TENM2: variants seen among roughly 807,000 people sequenced by gnomAD.
The protein encoded by TENM2 is teneurin-2.
TENM2 carries 52 observed loss-of-function variants against 245.2 expected under a neutral mutation model. That is an observed-to-expected ratio of 0.21 (90% CI 0.17 to 0.27). TENM2 has a LOEUF of 0.27. Ranked by LOEUF, TENM2 falls within the 10% of genes least tolerant of loss-of-function variation. The probability of loss-of-function intolerance (pLI) is 1.00; values close to 1 mark genes in which losing one functional copy is unlikely to be tolerated. For missense variants in TENM2, 3,046 were observed against 3,666.8 expected, an observed-to-expected ratio of 0.83 and a Z score of 4.37; for synonymous variants, 1,363 against 1,438.9, an observed-to-expected ratio of 0.95 and a Z score of 1.19.
At chr5:167,548,550 G>GAC (rs10626330) in intron 2 of TENM2, among the ~76,000 whole-genome samples, 109,251 of 150,954 alleles carry the variant, frequency 0.72, 39,550 homozygotes, top group East Asian at 0.76. Flanking sequence ...ACAGGTCACA[G>GAC]ACACACACAC....
the TENM2 span, among the ~76,000 whole-genome samples, chr5:167,101,641 G>A: frequency 6.6e-6 from 1 of 151,288 alleles, no homozygotes; most frequent in African/African-American, 2.4e-5. Flanking sequence ...AACAAGTCCA[G>A]CAGCTTCCAC....
chr5:168,175,928 T>C (rs1759317434), intron 13 of TENM2, among the ~76,000 whole-genome samples: 1 of 152,176 alleles, frequency 6.6e-6, no homozygotes, highest in Admixed American at 6.5e-5. Context: ...CGAGCAACAC[T>C]AATATCATCA....
chr5:167,207,807 G>A, the TENM2 span, among the ~76,000 whole-genome samples: 35 of 152,274 alleles, frequency 2.3e-4, no homozygotes, highest in Non-Finnish European at 4.9e-4. Flanking sequence ...AGGCTGGAGT[G>A]CACTGGTACG....
intron 27 of TENM2, among the ~76,000 whole-genome samples, chr5:168,253,349 G>A (rs1767307813): frequency 6.6e-6 from 1 of 151,876 alleles, no homozygotes; most frequent in Admixed American, 6.6e-5. Context: ...AATGCATCAT[G>A]ACATGTAAAG....
At chr5:167,491,791 C>T (rs1768441741) in intron 2 of TENM2, among the ~76,000 whole-genome samples, 1 of 152,128 alleles carries the variant, frequency 6.6e-6, no homozygotes. Flanking sequence ...TCCCTTTACT[C>T]CCTTGCCCAC....
chr5:167,487,604 G>A (rs964885529), intron 2 of TENM2, among the ~76,000 whole-genome samples: 31 of 152,202 alleles, frequency 2.0e-4, no homozygotes, highest in African/African-American at 7.2e-4. Flanking sequence ...AAAGGTTTCT[G>A]GGTTTGGGTT....
chr5:167,569,020 A>C (rs972806822), intron 2 of TENM2, among the ~76,000 whole-genome samples: 8 of 149,304 alleles, frequency 5.4e-5, no homozygotes, highest in Admixed American at 4.7e-4. Flanking sequence ...CCCATCTTCA[A>C]GCAGAATGTA....
chr5:167,727,465 G>C (rs1760106639), intron 2 of TENM2, among the ~76,000 whole-genome samples: 1 of 152,218 alleles, frequency 6.6e-6, no homozygotes, highest in Admixed American at 6.5e-5. Flanking sequence ...GCTCCCCTAG[G>C]CATCTACTGA....
At chr5:167,182,272 A>G in the TENM2 span, among the ~76,000 whole-genome samples, 1 of 152,094 alleles carries the variant, frequency 6.6e-6, no homozygotes, top group East Asian at 1.9e-4. Context: ...TTCTAAATCC[A>G]ATTGAGTAAA....
intron 19 of TENM2, among the ~76,000 whole-genome samples, chr5:168,211,408 G>A (rs1049199675): frequency 6.6e-6 from 1 of 152,158 alleles, no homozygotes; most frequent in African/African-American, 2.4e-5. Context: ...AACACATGTT[G>A]GCACCCAAGA....
the TENM2 span, among the ~76,000 whole-genome samples, chr5:167,044,422 C>T: frequency 6.6e-6 from 1 of 152,168 alleles, no homozygotes; most frequent in East Asian, 1.9e-4. Flanking sequence ...TAGGTTACAG[C>T]ATGCATCTAT....
At chr5:167,931,703 G>A (rs761149673) in intron 3 of TENM2, among the ~76,000 whole-genome samples, 19 of 152,104 alleles carry the variant, frequency 1.2e-4, no homozygotes, top group Admixed American at 7.9e-4. Flanking sequence ...AAATGATTTC[G>A]TTCATGTGTG....
intron 9 of TENM2, among the ~76,000 whole-genome samples, chr5:168,099,274 C>T (rs1204206054): frequency 6.6e-6 from 1 of 152,032 alleles, no homozygotes. Context: ...TAGGCCATAT[C>T]ACAGTTTGAA....
chr5:167,817,040 G>C (rs1390517751), intron 2 of TENM2, among the ~76,000 whole-genome samples: 1 of 152,208 alleles, frequency 6.6e-6, no homozygotes, highest in Non-Finnish European at 1.5e-5. Flanking sequence ...ATGTGTTTCA[G>C]AAGGACTCGT....
chr5:167,796,472 T>G (rs1765326218), intron 2 of TENM2, among the ~76,000 whole-genome samples: 1 of 152,216 alleles, frequency 6.6e-6, no homozygotes, highest in African/African-American at 2.4e-5. Context: ...TACCTTCATG[T>G]ACTCAACTCG....
rs1406727158 is a variant in TENM2 at position 167,656,250 on chromosome 5, G to T, written c.503-219736G>T. The stretch of plus-strand genomic sequence containing the variant: ...CAGAGGTAAGGGATGGGCCATAATG[G>T]TAGAGAAGAACCATAGAAGAACCAG... On this transcript the variant is annotated intron_variant, in intron 2 of 28. Coordinates refer to ENST00000518659, the Ensembl canonical transcript of TENM2. Among the ~76,000 whole-genome samples the T allele has an allele frequency of 2.6e-5, 4 of 152,156 alleles. 1 individual carries two copies. Among genetic ancestry groups the T allele is most frequent in the Admixed American group, 2.6e-4 (4 of 15,282 alleles).
chr5:167,975,799 G>C (rs1583546403), intron 4 of TENM2, among the ~76,000 whole-genome samples: 1 of 150,416 alleles, frequency 6.6e-6, no homozygotes, highest in East Asian at 2.0e-4. Flanking sequence ...AAAATAGATA[G>C]TAATAGAGAT....
chr5:167,247,500 C>T, the TENM2 span, among the ~76,000 whole-genome samples: 1 of 152,102 alleles, frequency 6.6e-6, no homozygotes, highest in African/African-American at 2.4e-5. Context: ...TCATCAAGAA[C>T]ACATTTGTGT....
the TENM2 span, among the ~76,000 whole-genome samples, chr5:167,115,964 G>A: frequency 6.6e-6 from 1 of 152,148 alleles, no homozygotes; most frequent in African/African-American, 2.4e-5. Context: ...AATGACACAT[G>A]CACACCTAAT....
Sources: gnomAD v4.1 joint callset for allele counts (sites outside exome capture counted in the v4.1 genomes callset) on GRCh38, gnomAD v4.1.1 for gene constraint, MANE v1.5 for transcripts, NCBI Gene and HGNC (gene_info 2026-07-23, HGNC 2026-07-21) for gene names.